The following PDGFRA variants were observed in gnomAD, a reference collection of about 807,000 sequenced individuals.
The protein encoded by PDGFRA is platelet-derived growth factor receptor alpha.
In PDGFRA, 25 loss-of-function variants were observed where a neutral mutation model predicts 121.5. That is an observed-to-expected ratio of 0.21 (90% confidence interval 0.15 to 0.29). The LOEUF (loss-of-function observed/expected upper bound fraction) is 0.29, where lower values mean the gene tolerates loss of function less well. Ranked by LOEUF, PDGFRA falls within the 10% of genes least tolerant of loss-of-function variation. The pLI, the probability that PDGFRA is intolerant of heterozygous loss-of-function variation, is 1.00. For missense variants in PDGFRA, 1,008 were observed against 1,345.1 expected (o/e 0.75, Z 3.92); for synonymous variants, 463 against 494.8 (o/e 0.94, Z 0.85).
At chr4:54,288,360 C>G (rs11733839) in intron 19 of PDGFRA, among the ~76,000 whole-genome samples, 112,969 of 151,954 alleles carry the variant, frequency 0.74, 44,035 homozygotes, top group Middle Eastern at 0.89. Flanking sequence ...GATCATCCCC[C>G]AGTGGCTTAA....
At chr4:54,270,563 A>G in intron 7 of PDGFRA, 70 bp from the exon 8 acceptor site, 1 of 821,872 alleles carries the variant, frequency 1.2e-6, no homozygotes, top group Admixed American at 1.7e-5. Context: ...TAAATTGAAG[A>G]GTACAATTGT....
chr4:54,231,215 G>A (rs1720643966), intron 1 of PDGFRA, among the ~76,000 whole-genome samples: 1 of 152,242 alleles, frequency 6.6e-6, no homozygotes, highest in Non-Finnish European at 1.5e-5. Flanking sequence ...TTCCTGGGTG[G>A]GAGGCAAGCA....
chr4:54,251,676 G>A (rs1257212574), intron 1 of PDGFRA, among the ~76,000 whole-genome samples: 2 of 152,080 alleles, frequency 1.3e-5, no homozygotes, highest in African/African-American at 4.8e-5. Context: ...CCTGACCTGT[G>A]GTAAGTGAAG....
At chr4:54,240,375 C>A (rs1393984041) in intron 1 of PDGFRA, among the ~76,000 whole-genome samples, 1 of 152,234 alleles carries the variant, frequency 6.6e-6, no homozygotes, top group Middle Eastern at 3.4e-3. Context: ...TATTGGCCAC[C>A]CCCCAGATGC....
intron 1 of PDGFRA, among the ~76,000 whole-genome samples, chr4:54,233,283 C>G (rs1251582156): frequency 2.6e-5 from 4 of 152,198 alleles, no homozygotes; most frequent in Admixed American, 1.3e-4. Context: ...GAGAGCGGAC[C>G]GCGCAGTGTT....
At chr4:54,248,518 G>C (rs1463082744) in intron 1 of PDGFRA, among the ~76,000 whole-genome samples, 9 of 152,190 alleles carry the variant, frequency 5.9e-5, no homozygotes, top group East Asian at 5.8e-4. Flanking sequence ...GCCATATGTA[G>C]AAAGCTGAAA....
Position 54,270,666 on chromosome 4 carries a change from G to C in PDGFRA, c.1155G>C (p.Lys385Asn), listed in dbSNP as rs2110279544. 6.2e-7 allele frequency: 1 copy of C among 1,612,116 alleles called. No individual in the cohort carries two copies. The highest frequency in any genetic ancestry group is 8.5e-7 in the Non-Finnish European group (1 of 1,178,368). The change falls in exon 8 of 23, where the codon AAG becomes AAC. Residue 385 changes from lysine to asparagine, a missense_variant. Around this residue, in one of 5 missense-constraint regions of PDGFRA, gnomAD observed 575 missense variants for 701.8 expected, o/e 0.82. Coordinates refer to ENST00000257290, the MANE Select transcript of PDGFRA (RefSeq NM_006206.6). ...YRSKLKLIRAKEEDSGHYTIV... is the reference protein window; with the variant it reads ...YRSKLKLIRANEEDSGHYTIV... ...GCAAATTAAAGCTGATCCGTGCTAA[G>C]GAAGAAGACAGTGGCCATTATACTA...
chr4:54,285,289 A>G, intron 16 of PDGFRA, 82 bp from the exon 17 acceptor site: 2 of 767,690 alleles, frequency 2.6e-6, no homozygotes, highest in Admixed American at 1.8e-5. Context: ...ATATTTTTGG[A>G]TGTGTTCTTT....
chr4:54,247,899 A>C (rs1165175576), intron 1 of PDGFRA, among the ~76,000 whole-genome samples: 1 of 152,212 alleles, frequency 6.6e-6, no homozygotes, highest in East Asian at 1.9e-4. Context: ...TCAATGTACA[A>C]AAATCACAAG....
At chr4:54,275,906 GA>G (rs35876427) in intron 12 of PDGFRA, among the ~76,000 whole-genome samples, 1 of 152,098 alleles carries the variant, frequency 6.6e-6, no homozygotes, top group Non-Finnish European at 1.5e-5. Context: ...GTTTGACTTT[GA>G]AAAAAAGACA....
At chr4:54,262,021 C>T (rs1395764095) in intron 3 of PDGFRA, among the ~76,000 whole-genome samples, 1 of 148,652 alleles carries the variant, frequency 6.7e-6, no homozygotes, top group Non-Finnish European at 1.5e-5. Flanking sequence ...AATCTCAACT[C>T]CCTTGGTTCA....
chr4:54,297,270 C>T lies in PDGFRA; in HGVS notation c.*1998C>T, dbSNP rs183181290. 62 of 233,652 alleles carry T rather than the reference C, an allele frequency of 2.7e-4. 1 individual carries two copies. Among genetic ancestry groups the T allele is most frequent in the African/African-American group, 1.2e-3 (53 of 45,424 alleles). 14.5% of individuals were successfully genotyped at this position (233,652 alleles called of 1,614,324 possible). A position where few individuals can be genotyped will look rare whatever the true frequency, so the allele number is the denominator to read the frequency against. Reference sequence around the variant, plus strand: ...GTGATTACTGCAATCACTGTGCTATCGGCAGATGATGCTTTGGAAGATGCA... The same window carrying T: ...GTGATTACTGCAATCACTGTGCTATTGGCAGATGATGCTTTGGAAGATGCA... On this transcript the variant is annotated 3_prime_UTR_variant, in exon 23 of 23. Transcript: ENST00000257290.
At chr4:54,290,258 T>C (rs2110347868) in intron 21 of PDGFRA, 55 bp from the exon 22 acceptor site, 7 of 1,421,372 alleles carry the variant, frequency 4.9e-6, no homozygotes, top group Middle Eastern at 1.8e-4. Flanking sequence ...TCTCTATTCA[T>C]TTTTGAGGTT....
chr4:54,243,234 G>A (rs944036994), intron 1 of PDGFRA, among the ~76,000 whole-genome samples: 1 of 152,116 alleles, frequency 6.6e-6, no homozygotes, highest in African/African-American at 2.4e-5. Flanking sequence ...TCTGCCTGAT[G>A]TCCTAGGCTC....
intron 1 of PDGFRA, among the ~76,000 whole-genome samples, chr4:54,246,607 G>T: frequency 6.6e-6 from 1 of 151,998 alleles, no homozygotes; most frequent in Non-Finnish European, 1.5e-5. Context: ...GCCCACAAGA[G>T]AAAGCAGGAA....
chr4:54,277,789 A>C, intron 13 of PDGFRA, 107 bp from the exon 14 acceptor site: 1 of 780,518 alleles, frequency 1.3e-6, no homozygotes, highest in African/African-American at 1.7e-5. Flanking sequence ...GACTTCTGGT[A>C]AATAGAATGA....
intron 1 of PDGFRA, 50 bp from the exon 2 acceptor site, chr4:54,258,707 G>A (rs1183939186): frequency 9.2e-7 from 1 of 1,086,548 alleles, no homozygotes; most frequent in Non-Finnish European, 1.4e-6. Flanking sequence ...TAGGCTCCAG[G>A]GTTGTTTCTA....
intron 1 of PDGFRA, among the ~76,000 whole-genome samples, chr4:54,251,603 C>T (rs1170717977): frequency 2.0e-5 from 3 of 152,090 alleles, no homozygotes; most frequent in African/African-American, 7.2e-5. Context: ...ACTTATAGAG[C>T]CAATAAAAGC....
chr4:54,258,955 T>C, intron 2 of PDGFRA, 138 bp downstream of exon 2: 1 of 761,476 alleles, frequency 1.3e-6, no homozygotes. Context: ...TAGGACGTTA[T>C]CCAGAATGAC....
Sources: allele counts gnomAD v4.1 joint callset (sites outside exome capture counted in the v4.1 genomes callset), GRCh38; gene constraint gnomAD v4.1.1; regional missense constraint gnomAD v4.1.1; transcripts MANE v1.5; gene names NCBI Gene and HGNC (gene_info 2026-07-23, HGNC 2026-07-21).